Variants in CLNK observed in about 807,000 individuals in gnomAD.
The protein encoded by CLNK is cytokine-dependent hematopoietic cell linker.
In CLNK, 74 loss-of-function variants were observed where a neutral mutation model predicts 68.6. The ratio of observed to expected loss-of-function variants is 1.08; its 90% CI spans 0.89 to 1.31. CLNK has a LOEUF of 1.31. CLNK is among the 50% of genes most tolerant of loss of function. The pLI is 0.00. For missense variants in CLNK, 553 were observed against 515.3 expected, an observed-to-expected ratio of 1.07 and a Z score of -0.71; for synonymous variants, 198 against 172.2, an observed-to-expected ratio of 1.15 and a Z score of -1.17.
At chr4:10,629,524 G>A (rs984451752) in intron 2 of CLNK, among the ~76,000 whole-genome samples, 6 of 152,172 alleles carry the variant, frequency 3.9e-5, no homozygotes, top group Non-Finnish European at 5.9e-5. Context: ...GGGGCAGAGC[G>A]AGGAAGTGCT....
chr4:10,493,667 A>G (rs1404918036), intron 18 of CLNK, among the ~76,000 whole-genome samples: 4 of 152,092 alleles, frequency 2.6e-5, no homozygotes, highest in Admixed American at 6.5e-5. Flanking sequence ...TACGTATACA[A>G]TAAATATGAG....
Position 10,564,780 on chromosome 4 carries a change from A to T in CLNK, c.293-3T>A. The T allele has an allele frequency of 6.4e-7, 1 of 1,568,572 alleles. No individual in the cohort carries two copies. Among genetic ancestry groups the T allele is most frequent in the Non-Finnish European group, 8.8e-7 (1 of 1,138,646 alleles). The stretch of plus-strand genomic sequence containing the variant: ...TGCAACCTTGAAATAGTGTGTATCT[A>T]TGCAAACAGAAAAATATGAAAGTCA... On this transcript the variant is annotated splice_region_variant and splice_polypyrimidine_tract_variant and intron_variant, in intron 6 of 18. Coordinates refer to ENST00000226951, the MANE Select transcript of CLNK (RefSeq NM_052964.4).
chr4:10,525,850 G>GC lies in CLNK; in HGVS notation c.721dup (p.Ala241GlyfsTer3). On this transcript the variant is annotated frameshift_variant, in exon 14 of 19. Transcript: ENST00000226951. LOFTEE classifies it high-confidence loss of function. ...ATTCCTGGCTCCTTACCTGCTAATG[G>GC]CAAGTGGAATCTCTTGAGTATTTTG... 1 of 1,578,868 alleles carries GC rather than the reference G, an allele frequency of 6.3e-7. No homozygotes were observed. The highest frequency in any genetic ancestry group is 1.2e-5 in the South Asian group (1 of 86,184).
intron 18 of CLNK, among the ~76,000 whole-genome samples, chr4:10,493,875 G>C (rs945302862): frequency 2.0e-5 from 3 of 152,212 alleles, no homozygotes; most frequent in Non-Finnish European, 2.9e-5. Context: ...TCTATGAACA[G>C]TGATGGTAAC....
chr4:10,642,867 TG>T (rs1723364512), intron 2 of CLNK, among the ~76,000 whole-genome samples: 1 of 152,222 alleles, frequency 6.6e-6, no homozygotes, highest in Non-Finnish European at 1.5e-5. Context: ...TGAACACTGA[TG>T]GTCATTTCAA....
intron 2 of CLNK, among the ~76,000 whole-genome samples, chr4:10,666,939 C>T (rs1198361875): frequency 6.6e-6 from 1 of 152,198 alleles, no homozygotes; most frequent in Non-Finnish European, 1.5e-5. Flanking sequence ...TGGACCAGAG[C>T]CCTCCAGCCA....
intron 10 of CLNK, among the ~76,000 whole-genome samples, chr4:10,540,959 A>C (rs976638829): frequency 6.6e-6 from 1 of 152,172 alleles, no homozygotes; most frequent in Non-Finnish European, 1.5e-5. Context: ...TCACGCCTGT[A>C]ATCCCAGCAC....
At chr4:10,642,282 A>G (rs1560258111) in intron 2 of CLNK, among the ~76,000 whole-genome samples, 1 of 152,212 alleles carries the variant, frequency 6.6e-6, no homozygotes, top group Admixed American at 6.5e-5. Flanking sequence ...ATTGTGCTGC[A>G]TCATGCAGAG....
chr4:10,600,967 C>A (rs1447699670), intron 2 of CLNK, among the ~76,000 whole-genome samples: 3 of 152,248 alleles, frequency 2.0e-5, no homozygotes, highest in Non-Finnish European at 4.4e-5. Flanking sequence ...GAGAACCCAA[C>A]AGACTGGGAG....
At chr4:10,582,771 A>C (rs550657688) in intron 4 of CLNK, among the ~76,000 whole-genome samples, 1 of 152,320 alleles carries the variant, frequency 6.6e-6, no homozygotes, top group East Asian at 1.9e-4. Context: ...ATATGCAAAA[A>C]AGAAGGAAAT....
chr4:10,674,822 T>A (rs1263784847), intron 1 of CLNK, among the ~76,000 whole-genome samples: 3 of 152,248 alleles, frequency 2.0e-5, no homozygotes, highest in Non-Finnish European at 4.4e-5. Context: ...GATTTCATTG[T>A]TCAACCCCCA....
intron 2 of CLNK, among the ~76,000 whole-genome samples, chr4:10,649,153 G>A (rs533707188): frequency 2.0e-5 from 3 of 152,154 alleles, no homozygotes; most frequent in African/African-American, 4.8e-5. Context: ...AATGAAAAAC[G>A]TAAAATCCTA....
the CLNK span, among the ~76,000 whole-genome samples, chr4:10,700,970 G>T: frequency 6.6e-6 from 1 of 152,126 alleles, no homozygotes; most frequent in Non-Finnish European, 1.5e-5. Context: ...TCAGCAAATT[G>T]TTACGACTAA....
At chr4:10,659,787 C>T (rs1553864127) in intron 2 of CLNK, among the ~76,000 whole-genome samples, 1 of 151,204 alleles carries the variant, frequency 6.6e-6, no homozygotes, top group Non-Finnish European at 1.5e-5. Context: ...CCAGGAATTC[C>T]TTTTTTTTTC....
At chr4:10,532,099 C>T (rs1476503844) in intron 12 of CLNK, 157 bp downstream of exon 12, 2 of 697,408 alleles carry the variant, frequency 2.9e-6, no homozygotes, top group African/African-American at 1.8e-5. Flanking sequence ...TTTACTTTGG[C>T]TTTCTTATCT....
the CLNK span, among the ~76,000 whole-genome samples, chr4:10,709,994 C>CA: frequency 6.6e-6 from 1 of 152,294 alleles, no homozygotes; most frequent in East Asian, 1.9e-4. Flanking sequence ...ACAAGCTCAA[C>CA]AATTGCTTAC....
intron 16 of CLNK, 113 bp from the exon 17 acceptor site, chr4:10,508,149 T>C (rs1220542509): frequency 6.8e-6 from 5 of 736,426 alleles, no homozygotes; most frequent in African/African-American, 1.8e-5. Context: ...TAGTGTAATC[T>C]GTAGTAGATA....
intron 1 of CLNK, among the ~76,000 whole-genome samples, chr4:10,682,472 A>G (rs1370274685): frequency 1.3e-5 from 2 of 152,190 alleles, no homozygotes; most frequent in Non-Finnish European, 2.9e-5. Context: ...CTTCATGTGA[A>G]AATTTAGCCA....
At chr4:10,596,690 AG>A (rs761801188) in intron 3 of CLNK, among the ~76,000 whole-genome samples, 5 of 152,102 alleles carry the variant, frequency 3.3e-5, no homozygotes, top group Non-Finnish European at 7.4e-5. Flanking sequence ...TTTTAAATTT[AG>A]GTTTATAAAT....
Sources: gnomAD v4.1 joint callset for allele counts (sites outside exome capture counted in the v4.1 genomes callset) on GRCh38, gnomAD v4.1.1 for gene constraint, MANE v1.5 for transcripts, NCBI Gene and HGNC (gene_info 2026-07-23, HGNC 2026-07-21) for gene names.